PTER: variants seen among roughly 807,000 people sequenced by gnomAD.
PTER encodes the protein N-acetyltaurine hydrolase.
A neutral mutation model predicts 29.6 loss-of-function variants in PTER; 38 were observed. The ratio of observed to expected loss-of-function variants is 1.28; its 90% CI spans 0.99 to 1.68. The LOEUF is 1.68. Ranked by LOEUF, PTER falls within the 40% of genes most tolerant of loss-of-function variation. PTER has a pLI of 0.00. For missense variants in PTER, 482 were observed against 427.8 expected (o/e 1.13, Z -1.12); for synonymous variants, 172 against 154.5 (o/e 1.11, Z -0.84).
At chr10:16,501,990 CT>C (rs755969583) in intron 3 of PTER, among the ~76,000 whole-genome samples, 1 of 152,172 alleles carries the variant, frequency 6.6e-6, no homozygotes, top group Non-Finnish European at 1.5e-5. Flanking sequence ...AGTGACTTTA[CT>C]TTTTATTTTC....
intron 1 of PTER, among the ~76,000 whole-genome samples, chr10:16,447,695 A>T (rs192337238): frequency 9.2e-5 from 14 of 152,340 alleles, no homozygotes; most frequent in Non-Finnish European, 1.9e-4. Context: ...GTCTTGGTCC[A>T]TATTCTTTAC....
chr10:16,510,514 G>A (rs1344790487), intron 4 of PTER, among the ~76,000 whole-genome samples: 1 of 152,170 alleles, frequency 6.6e-6, no homozygotes, highest in African/African-American at 2.4e-5. Context: ...CTTATCAAAT[G>A]CCCCTCACTT....
intron 3 of PTER, among the ~76,000 whole-genome samples, chr10:16,503,677 A>T (rs1264009277): frequency 1.3e-5 from 2 of 152,140 alleles, no homozygotes; most frequent in African/African-American, 4.8e-5. Flanking sequence ...AAGTGCTGGG[A>T]TTACAGGTGT....
At chr10:16,507,438 C>G (rs1836618334) in intron 4 of PTER, among the ~76,000 whole-genome samples, 1 of 151,968 alleles carries the variant, frequency 6.6e-6, no homozygotes, top group African/African-American at 2.4e-5. Context: ...GTGGAAGTAG[C>G]AAAGCTGGAA....
chr10:16,484,313 G>T lies in PTER; in HGVS notation c.-48-24G>T. The stretch of plus-strand genomic sequence containing the variant: ...TGTGTTAAATATTCTGATTGTAGTT[G>T]TTTGTTTGTTTGTTTGTTTTTAGAA... On this transcript the variant is annotated intron_variant, in intron 1 of 4. Coordinates refer to ENST00000535784, the MANE Select transcript of PTER (RefSeq NM_001261836.2). 2.3e-6 allele frequency: 3 copies of T among 1,320,166 alleles called. No homozygotes were observed. The South Asian group carries it at 4.3e-5, about 19-fold the overall frequency. The allele number at this position is 1,320,166 out of a possible 1,614,324, so 81.8% of individuals were successfully genotyped here. A position where few individuals can be genotyped will look rare whatever the true frequency, so the allele number is the denominator to read the frequency against.
intron 1 of PTER, among the ~76,000 whole-genome samples, chr10:16,472,419 T>A (rs1835086798): frequency 6.6e-6 from 1 of 152,104 alleles, no homozygotes; most frequent in Admixed American, 6.5e-5. Context: ...GTTTCCCCCA[T>A]ACTGTTCTCC....
rs952069571 is a variant in PTER, at chr10:16,449,922, A to G, written c.-49+12875A>G. 2.0e-5 allele frequency among the ~76,000 whole-genome samples: 3 copies of G among 152,178 alleles called. No individual in the cohort carries two copies. The East Asian group carries it at 5.8e-4, about 29-fold the overall frequency. On this transcript the variant is annotated intron_variant, in intron 1 of 4. Transcript: ENST00000535784. Reference sequence around the variant, plus strand: ...CACAGTGGGTCATCTTTTGATTCACATTTCAGCTAACCAAACAAATAAACT... The same window carrying G: ...CACAGTGGGTCATCTTTTGATTCACGTTTCAGCTAACCAAACAAATAAACT...
At chr10:16,465,794 G>A (rs1384720766) in intron 1 of PTER, among the ~76,000 whole-genome samples, 6 of 152,212 alleles carry the variant, frequency 3.9e-5, no homozygotes, top group Admixed American at 3.9e-4. Context: ...CTGCCTGGCT[G>A]GGGAGGCCTC....
chr10:16,478,915 G>A (rs1205448859), intron 1 of PTER, among the ~76,000 whole-genome samples: 1 of 152,158 alleles, frequency 6.6e-6, no homozygotes, highest in Admixed American at 6.5e-5. Flanking sequence ...AGGAATGCAG[G>A]ATGGCAAAAG....
intron 3 of PTER, among the ~76,000 whole-genome samples, chr10:16,502,901 A>G (rs1289523217): frequency 6.7e-6 from 1 of 149,964 alleles, no homozygotes; most frequent in Non-Finnish European, 1.5e-5. Flanking sequence ...AAGCAAGAGA[A>G]TCACTTGAAC....
intron 3 of PTER, among the ~76,000 whole-genome samples, chr10:16,503,822 G>T (rs114219253): frequency 1.3e-5 from 2 of 152,132 alleles, no homozygotes; most frequent in East Asian, 3.9e-4. Context: ...TTGAGCCACC[G>T]CACCCTGCCA....
chr10:16,491,807 C>T (rs1835908391), intron 3 of PTER, among the ~76,000 whole-genome samples: 1 of 152,078 alleles, frequency 6.6e-6, no homozygotes, highest in Non-Finnish European at 1.5e-5. Context: ...TTTATTTTTC[C>T]CCTTTAAAGT....
At chr10:16,499,327 C>T (rs1836239969) in intron 3 of PTER, among the ~76,000 whole-genome samples, 1 of 152,164 alleles carries the variant, frequency 6.6e-6, no homozygotes, top group Admixed American at 6.5e-5. Context: ...CCTGTGTGAT[C>T]ACTCACACTA....
chr10:16,451,175 G>C (rs948012251), intron 1 of PTER, among the ~76,000 whole-genome samples: 3 of 148,758 alleles, frequency 2.0e-5, no homozygotes, highest in East Asian at 2.0e-4. Flanking sequence ...GAAAGATGAA[G>C]TCCAGAAGGC....
chr10:16,459,581 A>C (rs1407171667), intron 1 of PTER, among the ~76,000 whole-genome samples: 1 of 152,200 alleles, frequency 6.6e-6, no homozygotes, highest in Non-Finnish European at 1.5e-5. Context: ...CTGCTAGTTC[A>C]GATGTTTTGA....
chr10:16,502,250 T>C (rs537461369), intron 3 of PTER, among the ~76,000 whole-genome samples: 2 of 152,184 alleles, frequency 1.3e-5, no homozygotes, highest in Non-Finnish European at 2.9e-5. Context: ...ACACACTGAA[T>C]TTACTCAAAA....
At chr10:16,496,126 A>G (rs1229443626) in intron 3 of PTER, among the ~76,000 whole-genome samples, 1 of 151,728 alleles carries the variant, frequency 6.6e-6, no homozygotes, top group South Asian at 2.1e-4. Flanking sequence ...TCTCCTGTCC[A>G]CTCCTCTGGT....
intron 4 of PTER, among the ~76,000 whole-genome samples, chr10:16,508,275 A>C (rs1367534242): frequency 6.6e-6 from 1 of 151,972 alleles, no homozygotes; most frequent in East Asian, 1.9e-4. Flanking sequence ...TCACCGTGTT[A>C]GCCAGGATGG....
intron 1 of PTER, among the ~76,000 whole-genome samples, chr10:16,482,153 G>A (rs1431669421): frequency 2.0e-5 from 3 of 152,178 alleles, no homozygotes; most frequent in African/African-American, 7.2e-5. Context: ...CAAGTCCTAA[G>A]TTCTGTCCAA....
Sources: gnomAD v4.1 joint callset for allele counts (sites outside exome capture counted in the v4.1 genomes callset) on GRCh38, gnomAD v4.1.1 for gene constraint, MANE v1.5 for transcripts, NCBI Gene and HGNC (gene_info 2026-07-23, HGNC 2026-07-21) for gene names.